The following ORC4 variants were observed in gnomAD, a reference collection of about 807,000 sequenced individuals.
ORC4 encodes origin recognition complex, subunit 4 homolog.
A neutral mutation model predicts 63.9 loss-of-function variants in ORC4; 55 were observed. The observed-to-expected ratio is 0.86, with a 90% confidence interval of 0.69 to 1.08. The LOEUF is 1.08. Among genes scored for constraint, ORC4 ranks in the 50% least tolerant of loss-of-function variants. ORC4 has a pLI of 0.00. For synonymous variants in ORC4, 150 were observed against 168.5 expected (o/e 0.89, Z 0.85); for missense variants, 511 against 504.4 (o/e 1.01, Z -0.13).
At chr2:147,981,717 T>C (rs1482027360) in intron 1 of ORC4, among the ~76,000 whole-genome samples, 3 of 127,706 alleles carry the variant, frequency 2.3e-5, no homozygotes, top group Non-Finnish European at 1.6e-5. Context: ...AAAAAACATA[T>C]AAAATATACA....
chr2:147,954,868 T>C (rs1396194016), intron 7 of ORC4, among the ~76,000 whole-genome samples: 2 of 152,242 alleles, frequency 1.3e-5, no homozygotes, highest in African/African-American at 4.8e-5. Context: ...AGTTTTTAAA[T>C]GTTAAAGATG....
At chr2:147,973,367 A>C in intron 3 of ORC4, 81 bp downstream of exon 3, 1 of 864,062 alleles carries the variant, frequency 1.2e-6, no homozygotes. Flanking sequence ...ATTTAATATC[A>C]AATTTGTACA....
In ORC4 at chr2:147,932,046, C is replaced by G. The variant is rs1325112533; in HGVS notation, c.*3464G>C. 6.6e-6 allele frequency: 1 copy of G among 151,930 alleles called. No individual in the cohort carries two copies. The highest frequency in any genetic ancestry group is 2.4e-5 in the African/African-American group (1 of 41,364). 9.4% of individuals were successfully genotyped at this position (151,930 alleles called of 1,614,324 possible). On this transcript the variant is annotated 3_prime_UTR_variant, in exon 14 of 14. Transcript: ENST00000392857. Reference sequence around the variant, plus strand: ...GTTTGCAGACGACATGATTGTATATCTAGAAAACCCCATCGTCTCAGCCCA... The same window carrying G: ...GTTTGCAGACGACATGATTGTATATGTAGAAAACCCCATCGTCTCAGCCCA...
At position 147,958,394 on chromosome 2, in the gene ORC4, G is replaced by C; in HGVS notation, c.302-11C>G. 6.3e-7 allele frequency: 1 copy of C among 1,594,916 alleles called. No individual in the cohort carries two copies. The highest frequency in any genetic ancestry group is 8.6e-7 in the Non-Finnish European group (1 of 1,163,562). ...TGATCTGCAGCAGTCCTAAAATAAA[G>C]TCCATTTAAAAGTATTTAATTAAAA... On this transcript the variant is annotated splice_polypyrimidine_tract_variant and intron_variant, in intron 5 of 13. Coordinates refer to ENST00000392857, the MANE Select transcript of ORC4 (RefSeq NM_181741.4).
rs1382118672 is a variant in ORC4 at position 147,956,344 on chromosome 2, T to C, written c.388-949A>G. Among the ~76,000 whole-genome samples the C allele has an allele frequency of 2.0e-5, 3 of 152,098 alleles. No individual in the cohort carries two copies. In the East Asian group the frequency reaches 5.8e-4, roughly 29 times the overall value. Reference sequence around the variant, plus strand: ...ATATAACAAATCCTCAAAGAGACAATCTGTTGGGAAATCAGTGGTCAGTTA... The same window carrying C: ...ATATAACAAATCCTCAAAGAGACAACCTGTTGGGAAATCAGTGGTCAGTTA... On this transcript the variant is annotated intron_variant, in intron 6 of 13. Coordinates refer to ENST00000392857, the MANE Select transcript of ORC4 (RefSeq NM_181741.4).
chr2:147,962,133 T>C (rs544985680), intron 4 of ORC4, among the ~76,000 whole-genome samples: 109 of 152,224 alleles, frequency 7.2e-4, no homozygotes, highest in Non-Finnish European at 1.3e-3. Flanking sequence ...CTACATCTCC[T>C]GCACCCCGAT....
intron 1 of ORC4, among the ~76,000 whole-genome samples, chr2:147,983,021 T>C (rs560245732): frequency 3.9e-4 from 59 of 152,298 alleles, no homozygotes; most frequent in African/African-American, 1.3e-3. Context: ...AGTAAAACCA[T>C]AGTAAGATAC....
intron 4 of ORC4, among the ~76,000 whole-genome samples, chr2:147,970,047 T>C (rs1281028891): frequency 1.1e-4 from 16 of 151,996 alleles, no homozygotes; most frequent in Admixed American, 1.0e-3. Flanking sequence ...AAAAGCCAAG[T>C]GTTTAGCTAT....
chr2:148,014,536 A>G (rs980662608), intron 1 of ORC4, among the ~76,000 whole-genome samples: 2 of 152,186 alleles, frequency 1.3e-5, no homozygotes, highest in African/African-American at 4.8e-5. Flanking sequence ...CAAGAAAAAA[A>G]TATCATAAGC....
intron 1 of ORC4, among the ~76,000 whole-genome samples, chr2:147,996,649 A>G (rs760898082): frequency 2.0e-5 from 3 of 152,230 alleles, no homozygotes; most frequent in African/African-American, 7.2e-5. Flanking sequence ...AAATAAGCAT[A>G]TGAAAAGATG....
At chr2:147,971,808 A>G (rs1056575194) in intron 4 of ORC4, among the ~76,000 whole-genome samples, 2 of 152,052 alleles carry the variant, frequency 1.3e-5, no homozygotes, top group African/African-American at 4.8e-5. Flanking sequence ...AAATATGATT[A>G]TATATAAATG....
chr2:147,946,480 C>T (rs1475898052), intron 9 of ORC4, among the ~76,000 whole-genome samples: 2 of 152,042 alleles, frequency 1.3e-5, no homozygotes, highest in Non-Finnish European at 2.9e-5. Context: ...GTCTGGTTCA[C>T]ACCAGACCCC....
intron 10 of ORC4, among the ~76,000 whole-genome samples, chr2:147,942,042 T>C (rs1688394117): frequency 6.6e-6 from 1 of 152,068 alleles, no homozygotes; most frequent in Non-Finnish European, 1.5e-5. Context: ...TATCTACTAG[T>C]AGTGTGACCT....
In ORC4 at chr2:147,991,776, G is replaced by A. The variant is rs112259162; in HGVS notation, c.-17-15801C>T. Among the ~76,000 whole-genome samples, 19 of 152,138 alleles carry A rather than the reference G, an allele frequency of 1.2e-4. 1 individual carries two copies. The highest frequency in any genetic ancestry group is 3.9e-4 in the African/African-American group (16 of 41,528). On this transcript the variant is annotated intron_variant, in intron 1 of 13. Coordinates refer to ENST00000392857, the MANE Select transcript of ORC4 (RefSeq NM_181741.4). ...CGGGGAGGCGGAGGCTGCAGTAAGC[G>A]GAGATTGCACCACTGCACTCCAACC...
At chr2:147,948,256 G>T in intron 8 of ORC4, 32 bp from the exon 9 acceptor site, 1 of 1,494,788 alleles carries the variant, frequency 6.7e-7, no homozygotes, top group Non-Finnish European at 9.2e-7. Context: ...CTATAAGGAA[G>T]ATGAATGTTT....
At chr2:147,955,431 T>C (rs1245928105) in intron 6 of ORC4, 36 bp from the exon 7 acceptor site, 1 of 1,486,690 alleles carries the variant, frequency 6.7e-7, no homozygotes, top group South Asian at 1.1e-5. Flanking sequence ...ATTAAAAGTT[T>C]AGTGAAATAA....
upstream of ORC4, chr2:148,021,481 T>TTGCTGCTGCTGCTGCTAC (rs1553463990): frequency 1.3e-4 from 73 of 573,532 alleles, no homozygotes; most frequent in African/African-American, 5.9e-4. Flanking sequence ...GCTGCTGCTG[T>TTGCTGCTGCTGCTGCTAC]TGCTGCTGCT....
rs1369076654 is a variant in ORC4, at chr2:148,008,394, A to C, written c.-18+12239T>G. 3.3e-5 allele frequency among the ~76,000 whole-genome samples: 5 copies of C among 152,380 alleles called. No homozygotes were observed. The East Asian group carries it at 9.6e-4, about 29-fold the overall frequency. ...AAAACAACTAAGCCAAGACATGTTA[A>C]GAAAAGTTTGAAAAGAAAGCTGTAA... On this transcript the variant is annotated intron_variant, in intron 1 of 13. Transcript: ENST00000392857.
chr2:147,963,302 C>T (rs1390909633), intron 4 of ORC4, among the ~76,000 whole-genome samples: 1 of 152,152 alleles, frequency 6.6e-6, no homozygotes, highest in Non-Finnish European at 1.5e-5. Context: ...AGCAACCCTG[C>T]TCCTACTTCC....
Sources: allele counts gnomAD v4.1 joint callset (sites outside exome capture counted in the v4.1 genomes callset), GRCh38; gene constraint gnomAD v4.1.1; transcripts MANE v1.5; gene names NCBI Gene and HGNC (gene_info 2026-07-23, HGNC 2026-07-21).